The following PPM1H variants were observed in gnomAD, a reference collection of about 807,000 sequenced individuals.
PPM1H encodes protein phosphatase, Mg2+/Mn2+ dependent 1H, also known as protein phosphatase 1H.
A neutral mutation model predicts 54.9 loss-of-function variants in PPM1H; 27 were observed. The observed-to-expected ratio is 0.49, with a 90% CI of 0.36 to 0.68. The LOEUF (loss-of-function observed/expected upper bound fraction) is 0.68, where lower values mean the gene tolerates loss of function less well. Among genes scored for constraint, PPM1H ranks in the 30% least tolerant of loss-of-function variants. The probability of loss-of-function intolerance (pLI) is 0.00; values close to 1 mark genes in which losing one functional copy is unlikely to be tolerated. For synonymous variants in PPM1H, 305 were observed against 270.8 expected, an observed-to-expected ratio of 1.13 and a Z score of -1.24; for missense variants, 596 against 667.8, an observed-to-expected ratio of 0.89 and a Z score of 1.19.
Position 62,934,524 on chromosome 12 carries a change from A to C in PPM1H, c.213T>G (p.Thr71=). 3 of 1,549,970 alleles carry C rather than the reference A, an allele frequency of 1.9e-6. No homozygotes were observed. Among genetic ancestry groups the C allele is most frequent in the Non-Finnish European group, 2.6e-6 (3 of 1,147,394 alleles). Residue 71 remains threonine, a synonymous_variant, in exon 1 of 10, where the codon ACT becomes ACG. Coordinates refer to ENST00000228705, the MANE Select transcript of PPM1H (RefSeq NM_020700.2). The surrounding 1 kb of genome is among the most constrained non-coding windows in gnomAD (Gnocchi z 4.2). The part of the protein sequence containing the change: ...IARPILILKE[T]RRLPWATGYA... Reference sequence around the variant, plus strand: ...AGCCAGTGGCCCAGGGCAGCCGCCGAGTCTCCTTGAGGATGAGGATGGGGC... The same window carrying C: ...AGCCAGTGGCCCAGGGCAGCCGCCGCGTCTCCTTGAGGATGAGGATGGGGC...
intron 3 of PPM1H, among the ~76,000 whole-genome samples, chr12:62,798,804 C>G (rs2076750428): frequency 6.6e-6 from 1 of 152,112 alleles, no homozygotes; most frequent in South Asian, 2.1e-4. Flanking sequence ...GTTTGTTACC[C>G]AGGTTTCCTG....
At chr12:62,867,879 G>T (rs1418275518) in intron 1 of PPM1H, among the ~76,000 whole-genome samples, 1 of 152,096 alleles carries the variant, frequency 6.6e-6, no homozygotes, top group Non-Finnish European at 1.5e-5. Context: ...CCAAAAACCA[G>T]TGTTAGGAGC....
rs192622837 is a variant in PPM1H, at chr12:62,649,094, T to C, written c.1398-458A>G. Among the ~76,000 whole-genome samples the C allele has an allele frequency of 7.2e-5, 11 of 152,300 alleles. No individual in the cohort carries two copies. The East Asian group carries it at 9.6e-4, about 13-fold the overall frequency. ...ACAAAGAATAGTCATTTTCTATTTA[T>C]GGTAAAAATCATTTAAAATAAATTT... On this transcript the variant is annotated intron_variant, in intron 9 of 9. Coordinates refer to ENST00000228705, the MANE Select transcript of PPM1H (RefSeq NM_020700.2).
chr12:62,907,545 T>C (rs184119150), intron 1 of PPM1H, among the ~76,000 whole-genome samples: 129 of 152,236 alleles, frequency 8.5e-4, no homozygotes, highest in African/African-American at 2.8e-3. Flanking sequence ...AATTGCCAAG[T>C]CAAAAACCTC....
At chr12:62,694,548 C>A (rs1393581689) in intron 6 of PPM1H, among the ~76,000 whole-genome samples, 1 of 152,180 alleles carries the variant, frequency 6.6e-6, no homozygotes, top group Non-Finnish European at 1.5e-5. Context: ...ACAGAAAGAA[C>A]CTTCAGTTTA....
intron 4 of PPM1H, among the ~76,000 whole-genome samples, chr12:62,763,921 GC>G (rs1414808971): frequency 6.6e-6 from 1 of 152,132 alleles, no homozygotes; most frequent in African/African-American, 2.4e-5. Context: ...CTTTGAGAGA[GC>G]CGACGTCCTA....
intron 9 of PPM1H, among the ~76,000 whole-genome samples, chr12:62,655,865 A>G (rs993433364): frequency 2.0e-5 from 3 of 152,218 alleles, no homozygotes; most frequent in Admixed American, 6.5e-5. Context: ...TTTTGAGAAC[A>G]TTTTTCTTCT....
At chr12:62,905,365 T>C (rs986931841) in intron 1 of PPM1H, among the ~76,000 whole-genome samples, 9 of 152,144 alleles carry the variant, frequency 5.9e-5, no homozygotes, top group Non-Finnish European at 8.8e-5. Flanking sequence ...AAGATGTTCA[T>C]GGAGCTCAGG....
chr12:62,672,933 A>T (rs1263996754), intron 8 of PPM1H, among the ~76,000 whole-genome samples: 7 of 152,236 alleles, frequency 4.6e-5, no homozygotes, highest in Admixed American at 4.6e-4. Context: ...CAGGGGAAGG[A>T]GAGTGGAAGA....
chr12:62,727,582 T>C (rs1235301881), intron 5 of PPM1H, among the ~76,000 whole-genome samples: 1 of 151,408 alleles, frequency 6.6e-6, no homozygotes, highest in East Asian at 1.9e-4. Context: ...GTCTCTTCAC[T>C]TAATAAGCCT....
intron 4 of PPM1H, among the ~76,000 whole-genome samples, chr12:62,781,754 C>T (rs1295618647): frequency 6.6e-6 from 1 of 152,216 alleles, no homozygotes; most frequent in East Asian, 1.9e-4. Context: ...GAGAGAAGGG[C>T]CTCTCGGGTG....
At chr12:62,823,778 C>T (rs1868255033) in intron 2 of PPM1H, among the ~76,000 whole-genome samples, 1 of 152,118 alleles carries the variant, frequency 6.6e-6, no homozygotes, top group Admixed American at 6.6e-5. Context: ...TATGACAAAC[C>T]CACAGCCAAT....
intron 2 of PPM1H, among the ~76,000 whole-genome samples, chr12:62,821,077 A>G (rs745541699): frequency 1.3e-5 from 2 of 152,216 alleles, no homozygotes; most frequent in Non-Finnish European, 2.9e-5. Context: ...AAGACCTTAA[A>G]TGACCTGATG....
intron 1 of PPM1H, among the ~76,000 whole-genome samples, chr12:62,932,274 G>A (rs1291183345): frequency 6.6e-6 from 1 of 152,024 alleles, no homozygotes; most frequent in African/African-American, 2.4e-5. Context: ...GAGAGGATGG[G>A]GGGAGCCCTC....
intron 1 of PPM1H, among the ~76,000 whole-genome samples, chr12:62,869,410 A>T (rs960095694): frequency 6.6e-6 from 1 of 152,230 alleles, no homozygotes; most frequent in Non-Finnish European, 1.5e-5. Context: ...TATTAATGGT[A>T]CCATTTTATA....
intron 1 of PPM1H, among the ~76,000 whole-genome samples, chr12:62,875,889 T>G (rs571605461): frequency 3.3e-5 from 5 of 152,338 alleles, no homozygotes; most frequent in African/African-American, 1.2e-4. Flanking sequence ...TCTCATGATA[T>G]TCCTGTTGAC....
chr12:62,701,425 G>A (rs563297144), intron 6 of PPM1H, among the ~76,000 whole-genome samples: 11 of 152,304 alleles, frequency 7.2e-5, no homozygotes, highest in African/African-American at 9.6e-5. Context: ...AACATACTTT[G>A]TCTTTGTGGC....
rs571251636 is a variant in PPM1H at position 62,829,218 on chromosome 12, A to G, written c.411+2896T>C. Reference sequence around the variant, plus strand: ...TTCTGGCTCACATTACAACATGGGTAAAACCTTGAGAACATTATGCTAAGT... The same window carrying G: ...TTCTGGCTCACATTACAACATGGGTGAAACCTTGAGAACATTATGCTAAGT... On this transcript the variant is annotated intron_variant, in intron 2 of 9. Transcript: ENST00000228705. Among the ~76,000 whole-genome samples, 4 of 152,368 alleles carry G rather than the reference A, an allele frequency of 2.6e-5. No individual in the cohort carries two copies. In the East Asian group the frequency reaches 7.7e-4, roughly 29 times the overall value.
chr12:62,663,461 A>G (rs1055844062), intron 9 of PPM1H, among the ~76,000 whole-genome samples: 11 of 152,188 alleles, frequency 7.2e-5, no homozygotes, highest in African/African-American at 2.7e-4. Context: ...GGTTAGGATT[A>G]TAGGCATGAC....
Sources: allele counts gnomAD v4.1 joint callset (sites outside exome capture counted in the v4.1 genomes callset), GRCh38; gene constraint gnomAD v4.1.1; non-coding constraint Gnocchi (gnomAD v3.1); transcripts MANE v1.5; gene names NCBI Gene and HGNC (gene_info 2026-07-23, HGNC 2026-07-21).